Variants in ARMC9 observed in about 807,000 individuals in gnomAD.
The protein encoded by ARMC9 is armadillo repeat containing 9.
A neutral mutation model predicts 107.0 loss-of-function variants in ARMC9; 94 were observed. That is an observed-to-expected ratio of 0.88 (90% CI 0.74 to 1.04). The LOEUF (loss-of-function observed/expected upper bound fraction) is 1.04. ARMC9 is among the 50% of genes least tolerant of loss of function. The pLI is 0.00. For missense variants in ARMC9, 942 were observed against 1,030.1 expected, an observed-to-expected ratio of 0.91 and a Z score of 1.17; for synonymous variants, 380 against 396.9, an observed-to-expected ratio of 0.96 and a Z score of 0.51.
chr2:231,315,098 G>T (rs2042587012), intron 19 of ARMC9, among the ~76,000 whole-genome samples: 1 of 151,706 alleles, frequency 6.6e-6, no homozygotes, highest in Non-Finnish European at 1.5e-5. Flanking sequence ...AATTAGCCGG[G>T]TGTGGTGGTG....
At chr2:231,283,495 T>G (rs2040366619) in intron 17 of ARMC9, among the ~76,000 whole-genome samples, 1 of 152,112 alleles carries the variant, frequency 6.6e-6, no homozygotes. Flanking sequence ...AGTGGCACCA[T>G]CTTGACTCAC....
At chr2:231,345,242 G>C in intron 21 of ARMC9, 152 bp downstream of exon 21, 1 of 1,392,252 alleles carries the variant, frequency 7.2e-7, no homozygotes, top group Non-Finnish European at 9.4e-7. Flanking sequence ...GAGGGAAAGA[G>C]GTTGAGTCCT....
At chr2:231,233,953 G>A (rs1426664043) in intron 7 of ARMC9, among the ~76,000 whole-genome samples, 8 of 151,972 alleles carry the variant, frequency 5.3e-5, no homozygotes, top group Admixed American at 5.2e-4. Context: ...ACCCATCAAA[G>A]CAATTATTGT....
At chr2:231,293,986 C>T (rs1023269894) in intron 18 of ARMC9, 4 of 152,200 alleles carry the variant, frequency 2.6e-5, no homozygotes, top group African/African-American at 9.7e-5. Context: ...TGTATCAGTT[C>T]TTAAGATGTG....
chr2:231,231,429 G>T (rs1333141384), intron 7 of ARMC9, among the ~76,000 whole-genome samples: 1 of 152,140 alleles, frequency 6.6e-6, no homozygotes, highest in African/African-American at 2.4e-5. Context: ...TGTTGCCCAG[G>T]CTGGAGTGCC....
chr2:231,245,537 C>T (rs1488813416), intron 9 of ARMC9, among the ~76,000 whole-genome samples: 1 of 152,218 alleles, frequency 6.6e-6, no homozygotes, highest in Admixed American at 6.5e-5. Context: ...ACCATTTTAT[C>T]TGTAAATGAA....
chr2:231,205,974 G>A (rs961222826), intron 1 of ARMC9, among the ~76,000 whole-genome samples: 1 of 152,166 alleles, frequency 6.6e-6, no homozygotes, highest in African/African-American at 2.4e-5. Flanking sequence ...GGGCCCACCT[G>A]GGTAATCCAG....
At chr2:231,359,996 C>G (rs2045502244) in intron 22 of ARMC9, among the ~76,000 whole-genome samples, 1 of 152,298 alleles carries the variant, frequency 6.6e-6, no homozygotes, top group Middle Eastern at 3.4e-3. Context: ...GTCACGGATG[C>G]AGCCTCTGTC....
In ARMC9 at chr2:231,235,308, C is replaced by T. The variant is rs1246549993; in HGVS notation, c.707C>T (p.Ala236Val). 6 of 1,614,070 alleles carry T rather than the reference C, an allele frequency of 3.7e-6. No homozygotes were observed. The highest frequency in any genetic ancestry group is 4.2e-6 in the Non-Finnish European group (5 of 1,180,048). Residue 236 changes from alanine to valine, a missense_variant, in exon 8 of 25, where the codon GCC becomes GTC. Ala to Val is a moderately conservative substitution (Grantham distance 64, BLOSUM62 0). Transcript: ENST00000611582. The stretch of plus-strand genomic sequence containing the variant: ...CTCAAACGGTACAATAAGATCCAGG[C>T]CGACTACCACAATCTCATTGGAGTC... ...TYLKRYNKIQADYHNLIGVTA... is the reference protein window; with the variant it reads ...TYLKRYNKIQVDYHNLIGVTA...
chr2:231,283,899 A>AT (rs1366341634), intron 17 of ARMC9, among the ~76,000 whole-genome samples: 1 of 151,864 alleles, frequency 6.6e-6, no homozygotes, highest in African/African-American at 2.4e-5. Flanking sequence ...CACCTAGCTA[A>AT]TTTTTTTTAA....
chr2:231,354,263 TAAAAAAAAAAAAA>T (rs759691541), intron 21 of ARMC9, among the ~76,000 whole-genome samples: 2 of 100,474 alleles, frequency 2.0e-5, no homozygotes, highest in African/African-American at 9.4e-5. Context: ...CATCTCCATT[TAAAAAAAAAAAAA>T]AAAAAAAAAA....
In ARMC9 at chr2:231,299,481, C is replaced by T. The variant is rs140194855; in HGVS notation, c.1773+3228C>T. Among the ~76,000 whole-genome samples, 52 of 152,152 alleles carry T rather than the reference C, an allele frequency of 3.4e-4. 2 individuals carry two copies. In the East Asian group the frequency reaches 8.7e-3, roughly 25 times the overall value. On this transcript the variant is annotated intron_variant, in intron 19 of 24. Transcript: ENST00000611582. ...AAGAGAGAGAAGTGAGACTAGGACA[C>T]GGGGTTTAGTGGCGTGGAAGTCAGT...
At chr2:231,241,809 G>C (rs2036324264) in intron 9 of ARMC9, among the ~76,000 whole-genome samples, 1 of 152,138 alleles carries the variant, frequency 6.6e-6, no homozygotes, top group Admixed American at 6.5e-5. Flanking sequence ...TACAAAAAAT[G>C]CATATGCTGT....
chr2:231,365,151 A>G (rs1159801077), intron 23 of ARMC9, among the ~76,000 whole-genome samples: 1 of 152,240 alleles, frequency 6.6e-6, no homozygotes, highest in African/African-American at 2.4e-5. Context: ...AGGGCAGAGC[A>G]GAGAAACCAT....
At position 231,208,017 on chromosome 2, in the gene ARMC9, G is replaced by C. The variant is rs1003240598; in HGVS notation, c.52-110G>C. Reference sequence around the variant, plus strand: ...TTAAGCACCTTTTCATGTATCTGTTGGTCTTTTTAATGTCTTCTTTGGATA... The same window carrying C: ...TTAAGCACCTTTTCATGTATCTGTTCGTCTTTTTAATGTCTTCTTTGGATA... On this transcript the variant is annotated intron_variant, in intron 2 of 24. Coordinates refer to ENST00000611582, the MANE Select transcript of ARMC9 (RefSeq NM_001352754.2). The C allele has an allele frequency of 1.5e-5, 9 of 584,786 alleles. No homozygotes were observed. In the South Asian group the frequency reaches 2.0e-4, roughly 13 times the overall value. The allele number at this position is 584,786 out of a possible 1,614,324, so 36.2% of individuals were successfully genotyped here.
chr2:231,315,536 C>G (rs955671469), intron 19 of ARMC9, among the ~76,000 whole-genome samples: 13 of 152,150 alleles, frequency 8.5e-5, no homozygotes, highest in African/African-American at 3.1e-4. Flanking sequence ...AAGGCTCCAT[C>G]TCATAAATAA....
At position 231,271,049 on chromosome 2, in the gene ARMC9, A is replaced by G. The variant is rs186036637; in HGVS notation, c.1187A>G (p.Asn396Ser). 1.0e-4 allele frequency: 167 copies of G among 1,614,176 alleles called. No individual in the cohort carries two copies. The highest frequency in any genetic ancestry group is 1.7e-4 in the Admixed American group (10 of 60,020). The change falls in exon 13 of 25, where the codon AAT becomes AGT. Residue 396 changes from asparagine (N) to serine (S), a missense_variant. By Grantham distance (46) the Asn-to-Ser change is conservative. Transcript: ENST00000611582. ...CGGCAGTACATGGCCAGGCTCATCA[A>G]TGCTTTTGCGTCACTGGCAGAAGGT... ...VVRQYMARLI[N>S]AFASLAEGRL...
intron 20 of ARMC9, among the ~76,000 whole-genome samples, chr2:231,335,238 G>A (rs563053488): frequency 6.6e-6 from 1 of 152,320 alleles, no homozygotes; most frequent in African/African-American, 2.4e-5. Flanking sequence ...CAGGGTGAGA[G>A]CTAGTCCCAG....
intron 19 of ARMC9, among the ~76,000 whole-genome samples, chr2:231,325,732 C>G (rs555691311): frequency 1.3e-5 from 2 of 152,292 alleles, no homozygotes; most frequent in African/African-American, 4.8e-5. Flanking sequence ...TACTCTAAGC[C>G]AAGGCAACAA....
Sources: allele counts gnomAD v4.1 joint callset (sites outside exome capture counted in the v4.1 genomes callset), GRCh38; gene constraint gnomAD v4.1.1; transcripts MANE v1.5; gene names NCBI Gene and HGNC (gene_info 2026-07-23, HGNC 2026-07-21).